The following SNURF variants were observed in gnomAD, a reference collection of about 807,000 sequenced individuals.
SNURF encodes SNURF protein.
A neutral mutation model predicts 11.6 loss-of-function variants in SNURF; 6 were observed. That is an observed-to-expected ratio of 0.52 (90% CI 0.28 to 1.02). SNURF has a LOEUF of 1.02. Among genes scored for constraint, SNURF ranks in the 50% least tolerant of loss-of-function variants. The probability of loss-of-function intolerance (pLI) is 0.09; values close to 1 mark genes in which losing one functional copy is unlikely to be tolerated. For synonymous variants in SNURF, 29 were observed against 31.6 expected (o/e 0.92, Z 0.27); for missense variants, 84 against 88.4 (o/e 0.95, Z 0.20).
intron 1 of SNURF, among the ~76,000 whole-genome samples, chr15:24,959,374 C>T (rs1335637023): frequency 3.3e-5 from 5 of 152,058 alleles, no homozygotes; most frequent in African/African-American, 4.8e-5. Flanking sequence ...TGTCTATAGT[C>T]CCAGCACTTT....
At chr15:24,962,941 A>G (rs1369988958) in intron 2 of SNURF, among the ~76,000 whole-genome samples, 1 of 152,126 alleles carries the variant, frequency 6.6e-6, no homozygotes, top group Non-Finnish European at 1.5e-5. Flanking sequence ...ATTCATGAAG[A>G]TGATTCTTTT....
intron 1 of SNURF, among the ~76,000 whole-genome samples, chr15:24,961,054 C>G (rs1449980112): frequency 6.6e-6 from 1 of 151,926 alleles, no homozygotes; most frequent in Non-Finnish European, 1.5e-5. Flanking sequence ...CTTTCACTTT[C>G]TTTAGTGTTT....
intron 1 of SNURF, among the ~76,000 whole-genome samples, chr15:24,956,883 C>T (rs1423490657): frequency 6.6e-6 from 1 of 152,192 alleles, no homozygotes; most frequent in South Asian, 2.1e-4. Flanking sequence ...CTGCAGTAAA[C>T]TAGAGTGGTG....
At chr15:24,970,823 TTAAA>T (rs781547002), downstream of SNURF, among the ~76,000 whole-genome samples, 158 of 152,346 alleles carry the variant, frequency 1.0e-3, no homozygotes, top group Non-Finnish European at 2.0e-3. Context: ...TTTGTTTTTG[TTAAA>T]TAAACCTTTC....
downstream of SNURF, chr15:24,978,189 G>A (rs370345153): frequency 1.2e-4 from 193 of 1,611,960 alleles, 1 homozygote; most frequent in Middle Eastern, 2.0e-3. Flanking sequence ...ATTTTTCACT[G>A]TAGGCATTAT....
At chr15:24,977,974 G>T, downstream of SNURF, 1 of 1,457,476 alleles carries the variant, frequency 6.9e-7, no homozygotes, top group Non-Finnish European at 9.3e-7. Flanking sequence ...ATAGCTTACT[G>T]ATTTAAGACA....
downstream of SNURF, chr15:24,978,522 T>C (rs924655739): frequency 2.3e-6 from 3 of 1,290,256 alleles, no homozygotes; most frequent in East Asian, 6.9e-5. Flanking sequence ...TGTGAGCTTT[T>C]TGTTCCCTCA....
At chr15:24,960,849 T>C (rs2074676940) in intron 1 of SNURF, among the ~76,000 whole-genome samples, 1 of 152,204 alleles carries the variant, frequency 6.6e-6, no homozygotes, top group South Asian at 2.1e-4. Context: ...AAAGTTGATA[T>C]GCTAAGAGAT....
At chr15:24,965,702 T>C (rs890958384) in intron 2 of SNURF, among the ~76,000 whole-genome samples, 3 of 152,188 alleles carry the variant, frequency 2.0e-5, no homozygotes, top group African/African-American at 4.8e-5. Flanking sequence ...ATATATTTTA[T>C]GCTAAGCTTC....
intron 1 of SNURF, among the ~76,000 whole-genome samples, chr15:24,956,592 T>G (rs1273186821): frequency 6.6e-6 from 1 of 152,124 alleles, no homozygotes; most frequent in Admixed American, 6.5e-5. Context: ...GGGCGAGACG[T>G]GGGGCAGGGG....
At chr15:24,966,322 A>G (rs2075629740) in intron 2 of SNURF, among the ~76,000 whole-genome samples, 1 of 152,204 alleles carries the variant, frequency 6.6e-6, no homozygotes, top group African/African-American at 2.4e-5. Context: ...AGATGCATAG[A>G]GCAAAATCTG....
chr15:24,978,459 A>C (rs772389635), downstream of SNURF: 5 of 1,611,514 alleles, frequency 3.1e-6, no homozygotes, highest in East Asian at 6.7e-5. Context: ...CTGTTGATCC[A>C]TCTCAGTCAC....
downstream of SNURF, chr15:24,978,102 C>G (rs938771759): frequency 4.4e-6 from 6 of 1,367,100 alleles, no homozygotes; most frequent in African/African-American, 2.9e-5. Context: ...TCATTGTTGT[C>G]TGGCCCATTT....
chr15:24,959,774 A>C (rs2074470477), intron 1 of SNURF, among the ~76,000 whole-genome samples: 1 of 152,182 alleles, frequency 6.6e-6, no homozygotes, highest in Non-Finnish European at 1.5e-5. Flanking sequence ...TTCATTCGTA[A>C]GTTGATGGAC....
chr15:24,957,069 CTG>C (rs775557225), intron 1 of SNURF, among the ~76,000 whole-genome samples: 2 of 152,222 alleles, frequency 1.3e-5, no homozygotes, highest in Non-Finnish European at 2.9e-5. Flanking sequence ...TATTTTCAAA[CTG>C]GACTTGTTAA....
intron 1 of SNURF, among the ~76,000 whole-genome samples, chr15:24,960,591 G>A (rs1395858389): frequency 6.6e-6 from 1 of 152,120 alleles, no homozygotes; most frequent in Non-Finnish European, 1.5e-5. Context: ...ATGAACCATT[G>A]CGCCCTGCCT....
At chr15:24,966,377 T>C (rs2075639608) in intron 2 of SNURF, among the ~76,000 whole-genome samples, 3 of 152,196 alleles carry the variant, frequency 2.0e-5, no homozygotes, top group Admixed American at 2.0e-4. Flanking sequence ...ATGCATTACC[T>C]GCACATTAGC....
downstream of SNURF, among the ~76,000 whole-genome samples, chr15:24,970,465 G>C (rs2076258469): frequency 6.6e-6 from 1 of 152,138 alleles, no homozygotes; most frequent in South Asian, 2.1e-4. Context: ...TGTAATCCCA[G>C]CTACTCGGGA....
chr15:24,958,486 GTTTTTTTTTTTT>G (rs71127030), intron 1 of SNURF, among the ~76,000 whole-genome samples: 19 of 65,298 alleles, frequency 2.9e-4, no homozygotes, highest in East Asian at 2.1e-3. Context: ...CTGGCTCAAA[GTTTTTTTTTTTT>G]TTTTTTTTTT....
Sources: gnomAD v4.1 joint callset for allele counts (sites outside exome capture counted in the v4.1 genomes callset) on GRCh38, gnomAD v4.1.1 for gene constraint, MANE v1.5 for transcripts, NCBI Gene and HGNC (gene_info 2026-07-23, HGNC 2026-07-21) for gene names.